The following CA12 variants were observed in gnomAD, a reference collection of about 807,000 sequenced individuals.
CA12 encodes the protein carbonate dehydratase XII.
Under a neutral mutation model 46.8 loss-of-function variants are expected in CA12, and 36 were observed. The observed-to-expected ratio is 0.77, with a 90% confidence interval of 0.59 to 1.02. The LOEUF is 1.02. Among genes scored for constraint, CA12 ranks in the 50% least tolerant of loss-of-function variants. The pLI is 0.00. For synonymous variants in CA12, 202 were observed against 187.0 expected (o/e 1.08, Z -0.65); for missense variants, 436 against 451.4 (o/e 0.97, Z 0.31).
chr15:63,328,524 C>G lies in CA12; in HGVS notation c.875-394G>C, dbSNP rs1004287074. ...CTAATTTTTGGATTTTTAGTAGAGACAGGGTTTCACCATCTTGGCCAGGCT... is the reference window on the plus strand; with the variant it reads ...CTAATTTTTGGATTTTTAGTAGAGAGAGGGTTTCACCATCTTGGCCAGGCT... On this transcript the variant is annotated intron_variant, in intron 8 of 10. Coordinates refer to ENST00000178638, the MANE Select transcript of CA12 (RefSeq NM_001218.5). This position sits in a 1 kb window ranked among gnomAD's most constrained non-coding sequence, Gnocchi z 5.9. Among the ~76,000 whole-genome samples the G allele has an allele frequency of 3.3e-5, 5 of 151,996 alleles. No homozygotes were observed. The highest frequency in any genetic ancestry group is 1.2e-4 in the African/African-American group (5 of 41,348).
intron 2 of CA12, among the ~76,000 whole-genome samples, chr15:63,366,928 A>T (rs2039441912): frequency 6.6e-6 from 1 of 151,878 alleles, no homozygotes; most frequent in South Asian, 2.1e-4. Context: ...TATTTATTTT[A>T]TTTTATTTTT....
At chr15:63,346,500 C>A (rs2039150072) in intron 3 of CA12, 30 bp downstream of exon 3, 1 of 1,415,668 alleles carries the variant, frequency 7.1e-7, no homozygotes, top group Non-Finnish European at 9.5e-7. Flanking sequence ...CTCAGACATA[C>A]CCCTCAGGTC....
intron 1 of CA12, among the ~76,000 whole-genome samples, chr15:63,376,771 T>G (rs977535930): frequency 3.3e-5 from 5 of 151,642 alleles, no homozygotes; most frequent in Non-Finnish European, 5.9e-5. Context: ...GCCTCCCTAG[T>G]AGCTGGGATT....
chr15:63,356,464 C>T (rs770871478), intron 2 of CA12, among the ~76,000 whole-genome samples: 5 of 151,838 alleles, frequency 3.3e-5, no homozygotes, highest in Non-Finnish European at 5.9e-5. Context: ...TTGGTGGGAA[C>T]ATCAAATAGT....
chr15:63,343,083 C>T (rs530935801), intron 4 of CA12, among the ~76,000 whole-genome samples: 4 of 152,198 alleles, frequency 2.6e-5, no homozygotes, highest in East Asian at 1.9e-4. Flanking sequence ...CACACCATCT[C>T]GGCCTGGCAT....
rs980854532 is a variant in CA12 at position 63,327,501 on chromosome 15, T to C, written c.908-268A>G. ...TGAAGAGCTTGTTTAAAATGTAGGGTTTTTTTTTTTTTTTTAGCCCAACCC... is the reference window on the plus strand; with the variant it reads ...TGAAGAGCTTGTTTAAAATGTAGGGCTTTTTTTTTTTTTTTAGCCCAACCC... On this transcript the variant is annotated intron_variant, in intron 9 of 10. Transcript: ENST00000178638. The surrounding 1 kb of genome is among the most constrained non-coding windows in gnomAD (Gnocchi z 4.5). Among the ~76,000 whole-genome samples, 1 of 68,218 alleles carries C rather than the reference T, an allele frequency of 1.5e-5. No homozygotes were observed. The highest frequency in any genetic ancestry group is 3.2e-5 in the Non-Finnish European group (1 of 31,332). 44.8% of individuals were successfully genotyped at this position (68,218 alleles called of 152,430 possible). A position where few individuals can be genotyped will look rare whatever the true frequency, so the allele number is the denominator to read the frequency against.
In CA12 at chr15:63,345,471, A is replaced by G. The variant is rs1386665746; in HGVS notation, c.429+6T>C. 13 of 1,605,352 alleles carry G rather than the reference A, an allele frequency of 8.1e-6. No homozygotes were observed. Among genetic ancestry groups the G allele is most frequent in the Non-Finnish European group, 1.1e-5 (13 of 1,179,926 alleles). ...CAGCCTCTGCCAGACTGGCAGCCCT[A>G]CTTACCTCGGCGGCGAAGTGCTGTC... On this transcript the variant is annotated splice_donor_region_variant and intron_variant, in intron 4 of 10. Coordinates refer to ENST00000178638, the MANE Select transcript of CA12 (RefSeq NM_001218.5). The surrounding 1 kb of genome is among the most constrained non-coding windows in gnomAD (Gnocchi z 4.3).
In CA12 at chr15:63,328,859, C is replaced by T. The variant is rs2038901825; in HGVS notation, c.875-729G>A. 6.6e-6 allele frequency among the ~76,000 whole-genome samples: 1 copy of T among 152,128 alleles called. No homozygotes were observed. Among genetic ancestry groups the T allele is most frequent in the South Asian group, 2.1e-4 (1 of 4,820 alleles). ...GGGACTGCAGGCGTGCACCACAACG[C>T]TTGGCTAATTTTTGTATTTTTAGTA... On this transcript the variant is annotated intron_variant, in intron 8 of 10. Coordinates refer to ENST00000178638, the MANE Select transcript of CA12 (RefSeq NM_001218.5). This position sits in a 1 kb window ranked among gnomAD's most constrained non-coding sequence, Gnocchi z 5.9.
intron 2 of CA12, among the ~76,000 whole-genome samples, chr15:63,370,784 G>A (rs2039493624): frequency 6.7e-6 from 1 of 150,294 alleles, no homozygotes; most frequent in African/African-American, 2.5e-5. Context: ...AAAAAAAAAA[G>A]AAAAAAAAGA....
At chr15:63,350,550 TA>T (rs2152619735) in intron 2 of CA12, among the ~76,000 whole-genome samples, 1 of 152,360 alleles carries the variant, frequency 6.6e-6, no homozygotes, top group African/African-American at 2.4e-5. Context: ...TTTGTTTTTC[TA>T]AATAAAGCCA....
chr15:63,381,711 G>T lies in CA12; in HGVS notation c.10C>A (p.Arg4Ser), dbSNP rs753037111. The change falls in exon 1 of 11, where the codon CGC becomes AGC. Residue 4 changes from arginine to serine, a missense_variant. Physicochemically the swap from Arg to Ser is moderately radical, Grantham distance 110. Coordinates refer to ENST00000178638, the MANE Select transcript of CA12 (RefSeq NM_001218.5). Reference sequence around the variant, plus strand: ...AGCACGGCCGCCGCGTGCAGGCTGCGCCGGGGCATCTTCGCGGGCTCCTGC... The same window carrying T: ...AGCACGGCCGCCGCGTGCAGGCTGCTCCGGGGCATCTTCGCGGGCTCCTGC... MPR[R>S]SLHAAAVLLL... 14 of 1,603,578 alleles carry T rather than the reference G, an allele frequency of 8.7e-6. No homozygotes were observed. The African/African-American group carries it at 1.6e-4, about 18-fold the overall frequency.
At chr15:63,380,085 A>T (rs1340568989) in intron 1 of CA12, among the ~76,000 whole-genome samples, 1 of 152,078 alleles carries the variant, frequency 6.6e-6, no homozygotes, top group Non-Finnish European at 1.5e-5. Flanking sequence ...TTTTGCTTTG[A>T]CCTGTCCTCT....
chr15:63,365,736 C>A (rs868513915), intron 2 of CA12, among the ~76,000 whole-genome samples: 1 of 152,220 alleles, frequency 6.6e-6, no homozygotes, highest in African/African-American at 2.4e-5. Context: ...CCCCTACATC[C>A]CTCTGGTCTC....
Position 63,326,325 on chromosome 15 carries a change from T to C in CA12, c.1025A>G (p.Tyr342Cys). The change falls in exon 11 of 11, where the codon TAC (tyrosine) becomes TGC (cysteine). Residue 342 changes from tyrosine to cysteine, a missense_variant. Coordinates refer to ENST00000178638, the MANE Select transcript of CA12 (RefSeq NM_001218.5). The part of the protein sequence containing the change: ...IKKGDNKGVI[Y>C]KPATKMETEA... Reference sequence around the variant, plus strand: ...AGTCTCCATCTTGGTGGCTGGCTTGTAAATGACTCCCTTGTTATCACCTTT... The same window carrying C: ...AGTCTCCATCTTGGTGGCTGGCTTGCAAATGACTCCCTTGTTATCACCTTT... 1 of 1,614,076 alleles carries C rather than the reference T, an allele frequency of 6.2e-7. No individual in the cohort carries two copies.
At chr15:63,336,543 CTTTTTTTT>C (rs71998323) in intron 8 of CA12, among the ~76,000 whole-genome samples, 1 of 86,182 alleles carries the variant, frequency 1.2e-5, no homozygotes, top group African/African-American at 5.1e-5. Flanking sequence ...TCCAACCTGG[CTTTTTTTT>C]TTTTTTTTTT....
intron 2 of CA12, among the ~76,000 whole-genome samples, chr15:63,356,077 G>C (rs2039291822): frequency 6.6e-6 from 1 of 152,142 alleles, no homozygotes; most frequent in Admixed American, 6.5e-5. Context: ...TTCTAACCAT[G>C]TTTTCATGGC....
At chr15:63,326,475 C>G (rs2038868629) in intron 10 of CA12, 118 bp from the exon 11 acceptor site, 2 of 778,528 alleles carry the variant, frequency 2.6e-6, no homozygotes, top group African/African-American at 1.7e-5. Flanking sequence ...TCTTTGGGAC[C>G]TTTCCCCAAT....
intron 2 of CA12, among the ~76,000 whole-genome samples, chr15:63,352,559 C>A (rs193014084): frequency 1.3e-5 from 2 of 152,272 alleles, no homozygotes; most frequent in East Asian, 1.9e-4. Flanking sequence ...CTGAGGTGGA[C>A]CCCCCTGTGT....
At chr15:63,364,571 T>A (rs2039415217) in intron 2 of CA12, among the ~76,000 whole-genome samples, 1 of 152,066 alleles carries the variant, frequency 6.6e-6, no homozygotes, top group South Asian at 2.1e-4. Context: ...GATTGGGGGA[T>A]GTGGGCGCTC....
Sources: allele counts gnomAD v4.1 joint callset (sites outside exome capture counted in the v4.1 genomes callset), GRCh38; gene constraint gnomAD v4.1.1; non-coding constraint Gnocchi (gnomAD v3.1); transcripts MANE v1.5; gene names NCBI Gene and HGNC (gene_info 2026-07-23, HGNC 2026-07-21).